RASSF4: variants seen among roughly 807,000 people sequenced by gnomAD.
RASSF4 encodes the protein Ras association domain family member 4, also known as ras association domain-containing protein 4.
RASSF4 carries 38 observed loss-of-function variants against 41.1 expected under a neutral mutation model. That is an observed-to-expected ratio of 0.92 (90% CI 0.71 to 1.21). The LOEUF is 1.21. Among genes scored for constraint, RASSF4 ranks in the 50% most tolerant of loss-of-function variants. The probability of loss-of-function intolerance (pLI) is 0.00; values close to 1 mark genes in which losing one functional copy is unlikely to be tolerated. For missense variants in RASSF4, 414 were observed against 419.4 expected (o/e 0.99, Z 0.11); for synonymous variants, 179 against 163.4 (o/e 1.10, Z -0.73).
chr10:44,962,227 T>C (rs990036774), intron 1 of RASSF4, among the ~76,000 whole-genome samples: 1 of 152,262 alleles, frequency 6.6e-6, no homozygotes, highest in Non-Finnish European at 1.5e-5. Context: ...TGCAAGGCTC[T>C]ACAACGTTCC....
intron 3 of RASSF4, among the ~76,000 whole-genome samples, chr10:44,973,084 G>C (rs1012389481): frequency 2.0e-5 from 3 of 152,168 alleles, no homozygotes; most frequent in Non-Finnish European, 4.4e-5. Flanking sequence ...TGACCACCAG[G>C]CATGGTACAA....
chr10:44,983,852 T>C (rs1370891178), intron 4 of RASSF4, 170 bp from the exon 5 acceptor site: 1 of 1,240,624 alleles, frequency 8.1e-7, no homozygotes, highest in African/African-American at 1.5e-5. Context: ...GGCCTCTACT[T>C]TTCTTTTATT....
In RASSF4 at chr10:44,961,714, T is replaced by A. The variant is rs75448957; in HGVS notation, c.-39+1848T>A. ...TCTTCACAGAAGTCATCGAGGATTATAGTTATTTAATTGATGAGGAGCCCA... is the reference window on the plus strand; with the variant it reads ...TCTTCACAGAAGTCATCGAGGATTAAAGTTATTTAATTGATGAGGAGCCCA... On this transcript the variant is annotated intron_variant, in intron 1 of 10. Coordinates refer to ENST00000340258, the MANE Select transcript of RASSF4 (RefSeq NM_032023.4). Among the ~76,000 whole-genome samples, 378 of 152,346 alleles carry A rather than the reference T, an allele frequency of 2.5e-3. 3 individuals are homozygous for A. The East Asian group carries it at 0.044, about 18-fold the overall frequency.
intron 3 of RASSF4, among the ~76,000 whole-genome samples, chr10:44,980,232 T>C (rs1440439450): frequency 6.6e-6 from 1 of 152,214 alleles, no homozygotes; most frequent in Non-Finnish European, 1.5e-5. Flanking sequence ...AGGGAGTGCC[T>C]GAGACAGTGA....
intron 3 of RASSF4, chr10:44,977,227 TC>T: frequency 2.4e-6 from 2 of 829,006 alleles, no homozygotes; most frequent in East Asian, 5.1e-5. Context: ...CAGGCTGTTA[TC>T]ATATTCAGAG....
chr10:44,968,652 A>G (rs3829908), intron 1 of RASSF4, among the ~76,000 whole-genome samples: 97,535 of 152,066 alleles, frequency 0.64, 31,986 homozygotes, highest in Non-Finnish European at 0.71. Context: ...GGACTGGTCC[A>G]AGTGAGTGCC....
At chr10:44,969,178 C>A (rs1190392739) in intron 1 of RASSF4, among the ~76,000 whole-genome samples, 1 of 151,564 alleles carries the variant, frequency 6.6e-6, no homozygotes, top group African/African-American at 2.4e-5. Context: ...TGTAGGAGGC[C>A]TTGATAAGAG....
intron 1 of RASSF4, among the ~76,000 whole-genome samples, chr10:44,966,847 T>C (rs184307436): frequency 6.6e-6 from 1 of 152,234 alleles, no homozygotes; most frequent in Non-Finnish European, 1.5e-5. Flanking sequence ...TAGCTTCTTA[T>C]GACCCTTATT....
chr10:44,984,406 G>A, intron 5 of RASSF4: 1 of 509,396 alleles, frequency 2.0e-6, no homozygotes, highest in Non-Finnish European at 3.5e-6. Flanking sequence ...AGAAGGCACT[G>A]CGCTCTCCTG....
intron 8 of RASSF4, 74 bp from the exon 9 acceptor site, chr10:44,990,874 A>G (rs1842084055): frequency 2.0e-6 from 3 of 1,505,972 alleles, no homozygotes; most frequent in Non-Finnish European, 2.7e-6. Context: ...CACATTTTCT[A>G]TCAGTTCCTA....
At chr10:44,987,431 A>T (rs1841960071) in intron 6 of RASSF4, among the ~76,000 whole-genome samples, 1 of 152,058 alleles carries the variant, frequency 6.6e-6, no homozygotes, top group African/African-American at 2.4e-5. Flanking sequence ...AGAAAGCCTA[A>T]TCCTAATCCT....
intron 1 of RASSF4, among the ~76,000 whole-genome samples, chr10:44,961,761 C>T (rs924416779): frequency 1.3e-5 from 2 of 152,228 alleles, no homozygotes; most frequent in Non-Finnish European, 2.9e-5. Context: ...GGGAACTGGA[C>T]TTGCTTAAGG....
chr10:44,984,908 G>A lies in RASSF4; in HGVS notation c.469G>A (p.Gly157Ser), dbSNP rs140069760. Residue 157 changes from glycine (G) to serine (S), a missense_variant, in exon 6 of 11, where the codon GGT becomes AGT. By Grantham distance (56) the Gly-to-Ser change is moderately conservative. Transcript: ENST00000340258. ...SQRRPKCRAP[G>S]EAQRIRRHRF... ...GAGGAGGCCCAAGTGCCGCGCCCCC[G>A]GTGAGGCCCAGCGCATCCGGCGACA... is the stretch of plus-strand genomic sequence containing the variant. 2.8e-3 allele frequency: 4,494 copies of A among 1,613,482 alleles called. 10 individuals carry two copies. The highest frequency in any genetic ancestry group is 3.3e-3 in the South Asian group (298 of 91,080).
intron 3 of RASSF4, chr10:44,977,592 C>T (rs753621695): frequency 1.2e-6 from 2 of 1,613,188 alleles, no homozygotes; most frequent in Non-Finnish European, 8.5e-7. Flanking sequence ...CCTCTGGGGG[C>T]CCCCATGGGC....
chr10:44,982,342 C>A, intron 3 of RASSF4, 179 bp from the exon 4 acceptor site: 1 of 757,568 alleles, frequency 1.3e-6, no homozygotes, highest in Non-Finnish European at 2.3e-6. Context: ...GGCTCCCTCC[C>A]ACAGGGCCTG....
At chr10:44,978,787 G>C (rs1841568826) in intron 3 of RASSF4, 1 of 152,394 alleles carries the variant, frequency 6.6e-6, no homozygotes, top group South Asian at 2.1e-4. Context: ...GTCCACCGTA[G>C]CAGGCTCTTC....
intron 6 of RASSF4, among the ~76,000 whole-genome samples, chr10:44,986,178 C>CA (rs1564465674): frequency 6.6e-6 from 1 of 151,550 alleles, no homozygotes; most frequent in African/African-American, 2.4e-5. Context: ...TGTTCCTTAC[C>CA]AAAAAAAGGG....
At chr10:44,966,757 C>T (rs1360256082) in intron 1 of RASSF4, among the ~76,000 whole-genome samples, 3 of 152,098 alleles carry the variant, frequency 2.0e-5, no homozygotes, top group Non-Finnish European at 4.4e-5. Context: ...AAACCTAGGT[C>T]GAATCCAGCA....
At chr10:44,982,499 G>T (rs762798562) in intron 3 of RASSF4, 22 bp from the exon 4 acceptor site, 1 of 1,609,394 alleles carries the variant, frequency 6.2e-7, no homozygotes, top group African/African-American at 1.3e-5. Context: ...TGGGGGAAGG[G>T]CTGATGTGTG....
Sources: allele counts gnomAD v4.1 joint callset (sites outside exome capture counted in the v4.1 genomes callset), GRCh38; gene constraint gnomAD v4.1.1; transcripts MANE v1.5; gene names NCBI Gene and HGNC (gene_info 2026-07-23, HGNC 2026-07-21).